The following GTF2IRD1 variants were observed in gnomAD, a reference collection of about 807,000 sequenced individuals.
GTF2IRD1 encodes GTF2I repeat domain containing 1.
Under a neutral mutation model 113.2 loss-of-function variants are expected in GTF2IRD1, and 26 were observed. The observed-to-expected ratio is 0.23, with a 90% CI of 0.17 to 0.32. The LOEUF (loss-of-function observed/expected upper bound fraction) is 0.32. GTF2IRD1 is among the 10% of genes least tolerant of loss of function. The probability of loss-of-function intolerance (pLI) is 1.00; values close to 1 mark genes in which losing one functional copy is unlikely to be tolerated. For missense variants in GTF2IRD1, 864 were observed against 1,280.8 expected (o/e 0.67, Z 4.97); for synonymous variants, 484 against 529.1 (o/e 0.91, Z 1.17).
chr7:74,455,890 A>G (rs1443820288), intron 1 of GTF2IRD1, among the ~76,000 whole-genome samples: 5 of 152,224 alleles, frequency 3.3e-5, no homozygotes, highest in African/African-American at 1.2e-4. Flanking sequence ...GCAGCCACTC[A>G]GAGCCTGCAC....
In GTF2IRD1 at chr7:74,567,537, T is replaced by TAGTGGGCTCA. The variant is rs1800397228; in HGVS notation, c.2320+7885_2320+7894dup. On this transcript the variant is annotated intron_variant, in intron 22 of 26. Coordinates refer to ENST00000424337, the MANE Select transcript of GTF2IRD1 (RefSeq NM_005685.4). ...GGAAGTGGTGGGGACCAGAGTGGAATAGTGGGCTCAAGAGACAATGAGAAA... is the reference window on the plus strand; with the variant it reads ...GGAAGTGGTGGGGACCAGAGTGGAATAGTGGGCTCAAGTGGGCTCAAGAGACAATGAGAAA... Among the ~76,000 whole-genome samples, 6 of 152,024 alleles carry TAGTGGGCTCA rather than the reference T, an allele frequency of 3.9e-5. No homozygotes were observed. The South Asian group carries it at 1.2e-3, about 32-fold the overall frequency.
chr7:74,515,225 C>T (rs868922948), intron 3 of GTF2IRD1: 1 of 899,570 alleles, frequency 1.1e-6, no homozygotes. Context: ...AGAGGTGAGG[C>T]CCAGCCCTGG....
rs1284282137 is a variant in GTF2IRD1, at chr7:74,469,697, A to G, written c.-7+15521A>G. ...AGTTATGGACATATGGGGTGTTTCT[A>G]CTTTTTATTATTTTATTTTATTTTG... On this transcript the variant is annotated intron_variant, in intron 1 of 26. Transcript: ENST00000424337. Among the ~76,000 whole-genome samples the G allele has an allele frequency of 5.9e-5, 9 of 151,822 alleles. 1 individual carries two copies. Among genetic ancestry groups the G allele is most frequent in the Admixed American group, 4.0e-4 (6 of 15,186 alleles).
At chr7:74,520,871 ATTATTATTATTATT>A (rs1797251008) in intron 6 of GTF2IRD1, among the ~76,000 whole-genome samples, 1 of 144,022 alleles carries the variant, frequency 6.9e-6, no homozygotes, top group African/African-American at 2.5e-5. Flanking sequence ...TATTATTATT[ATTATTATTATTATT>A]ATAAGGGGGA....
intron 11 of GTF2IRD1, 33 bp downstream of exon 11, chr7:74,536,308 G>A (rs782414710): frequency 3.0e-6 from 4 of 1,333,988 alleles, no homozygotes; most frequent in East Asian, 2.3e-5. Context: ...GGAGGCCCGC[G>A]GCCAGCCCTG....
chr7:74,557,757 A>G (rs782626640), intron 20 of GTF2IRD1, 35 bp downstream of exon 20: 2 of 1,336,884 alleles, frequency 1.5e-6, no homozygotes, highest in Non-Finnish European at 2.1e-6. Flanking sequence ...AGGGACACGC[A>G]GCTGCTGTGC....
At chr7:74,538,491 C>A (rs1554350780) in intron 12 of GTF2IRD1, among the ~76,000 whole-genome samples, 189 bp from the exon 13 acceptor site, 1 of 152,310 alleles carries the variant, frequency 6.6e-6, no homozygotes, top group East Asian at 1.9e-4. Flanking sequence ...TAAATCGGAG[C>A]CCCTAAGCCT....
At chr7:74,589,956 AC>A in intron 23 of GTF2IRD1, 28 bp downstream of exon 23, 1 of 1,479,242 alleles carries the variant, frequency 6.8e-7, no homozygotes, top group Non-Finnish European at 9.4e-7. Flanking sequence ...GGGTCAGCAC[AC>A]CAAGCCCTCC....
At chr7:74,471,701 A>AAAAAAAAAAC (rs1554332421) in intron 1 of GTF2IRD1, among the ~76,000 whole-genome samples, 6 of 134,720 alleles carry the variant, frequency 4.5e-5, no homozygotes, top group South Asian at 2.3e-4. Flanking sequence ...AAAAAAAAAA[A>AAAAAAAAAAC]CAAAAAAAAC....
chr7:74,590,767 A>T, intron 23 of GTF2IRD1, 58 bp from the exon 24 acceptor site: 1 of 1,214,536 alleles, frequency 8.2e-7, no homozygotes, highest in Non-Finnish European at 1.2e-6. Context: ...CTTTCCCTAG[A>T]GGGCTTTGCC....
chr7:74,456,014 A>G (rs1385527860), intron 1 of GTF2IRD1, among the ~76,000 whole-genome samples: 10 of 152,122 alleles, frequency 6.6e-5, no homozygotes, highest in Admixed American at 6.6e-4. Context: ...ATGTTGGGAG[A>G]AGGGTCATTT....
intron 26 of GTF2IRD1, chr7:74,601,588 C>T (rs1802774052): frequency 5.3e-6 from 4 of 760,080 alleles, no homozygotes; most frequent in Admixed American, 3.3e-5. Context: ...GGCTGACCAA[C>T]ACGGGGAAAC....
intron 17 of GTF2IRD1, among the ~76,000 whole-genome samples, chr7:74,549,286 G>A (rs1233145158): frequency 4.8e-5 from 7 of 145,564 alleles, no homozygotes; most frequent in Non-Finnish European, 8.9e-5. Context: ...CTGGGCAACA[G>A]AGCAAGACTC....
At chr7:74,461,858 C>T (rs1314389248) in intron 1 of GTF2IRD1, among the ~76,000 whole-genome samples, 2 of 152,130 alleles carry the variant, frequency 1.3e-5, no homozygotes, top group Non-Finnish European at 2.9e-5. Flanking sequence ...GGATTACAGG[C>T]GTGAGCCACT....
intron 1 of GTF2IRD1, among the ~76,000 whole-genome samples, chr7:74,471,715 C>A (rs559882417): frequency 2.7e-5 from 4 of 150,174 alleles, no homozygotes; most frequent in Non-Finnish European, 5.9e-5. Context: ...AAAAAACGGC[C>A]GGGTGCGGTG....
intron 22 of GTF2IRD1, among the ~76,000 whole-genome samples, chr7:74,586,495 C>T (rs1410233162): frequency 6.6e-6 from 1 of 152,180 alleles, no homozygotes; most frequent in South Asian, 2.1e-4. Context: ...GCTGGCGGGC[C>T]GTGCCTGAAG....
At chr7:74,548,079 G>A (rs587670451) in intron 17 of GTF2IRD1, among the ~76,000 whole-genome samples, 8 of 152,206 alleles carry the variant, frequency 5.3e-5, no homozygotes, top group African/African-American at 1.4e-4. Context: ...ATGAGGGCCC[G>A]GGACAGCACC....
chr7:74,579,943 G>A (rs1583944904), intron 22 of GTF2IRD1, among the ~76,000 whole-genome samples: 1 of 152,142 alleles, frequency 6.6e-6, no homozygotes, highest in South Asian at 2.1e-4. Context: ...CCTCCTGCAC[G>A]CAGTGTCCAG....
chr7:74,534,595 G>T (rs1554349735), intron 9 of GTF2IRD1, among the ~76,000 whole-genome samples: 1 of 152,040 alleles, frequency 6.6e-6, no homozygotes. Flanking sequence ...GTCATGGGAG[G>T]CAGAGCTGGG....
Sources: allele counts gnomAD v4.1 joint callset (sites outside exome capture counted in the v4.1 genomes callset), GRCh38; gene constraint gnomAD v4.1.1; transcripts MANE v1.5; gene names NCBI Gene and HGNC (gene_info 2026-07-23, HGNC 2026-07-21).